Variants in NPAS3 observed in about 807,000 individuals in gnomAD.
NPAS3 encodes neuronal PAS domain-containing protein 3.
NPAS3 carries 14 observed loss-of-function variants against 73.1 expected under a neutral mutation model. The ratio of observed to expected loss-of-function variants is 0.19; its 90% CI spans 0.13 to 0.30. The LOEUF (loss-of-function observed/expected upper bound fraction) is 0.30, where lower values mean the gene tolerates loss of function less well. Among genes scored for constraint, NPAS3 ranks in the 10% least tolerant of loss-of-function variants. NPAS3 has a pLI of 1.00. For synonymous variants in NPAS3, 620 were observed against 541.5 expected (o/e 1.14, Z -2.01); for missense variants, 1,096 against 1,250.0 (o/e 0.88, Z 1.86).
intron 2 of NPAS3, among the ~76,000 whole-genome samples, chr14:33,065,687 T>C (rs2041252983): frequency 6.6e-6 from 1 of 152,060 alleles, no homozygotes; most frequent in Non-Finnish European, 1.5e-5. Flanking sequence ...AAGCCAGTTA[T>C]AAAGGATCTC....
intron 7 of NPAS3, among the ~76,000 whole-genome samples, chr14:33,739,272 T>C (rs2061598525): frequency 6.6e-6 from 1 of 152,156 alleles, no homozygotes; most frequent in African/African-American, 2.4e-5. Context: ...TTCTTCAAAA[T>C]AGTCCCCCAT....
At chr14:33,484,162 G>A (rs2051465790) in intron 4 of NPAS3, among the ~76,000 whole-genome samples, 1 of 152,074 alleles carries the variant, frequency 6.6e-6, no homozygotes, top group Admixed American at 6.6e-5. Context: ...TAGATTCTAG[G>A]GAGGAAAATA....
intron 3 of NPAS3, among the ~76,000 whole-genome samples, chr14:33,353,977 G>A (rs2045207709): frequency 6.6e-6 from 1 of 151,948 alleles, no homozygotes; most frequent in Admixed American, 6.6e-5. Context: ...GTAGTGGCTG[G>A]GCACCACACC....
chr14:33,301,020 T>C (rs2042508807), intron 3 of NPAS3, among the ~76,000 whole-genome samples: 1 of 151,938 alleles, frequency 6.6e-6, no homozygotes, highest in South Asian at 2.1e-4. Flanking sequence ...ATATTTTCTC[T>C]TGCCCAAGAC....
chr14:33,175,916 C>T (rs952825794), intron 2 of NPAS3, among the ~76,000 whole-genome samples: 22 of 152,004 alleles, frequency 1.4e-4, no homozygotes, highest in Non-Finnish European at 2.8e-4. Context: ...GGTTTTAAAA[C>T]AACAACAACA....
At chr14:33,642,752 A>G (rs570238008) in intron 5 of NPAS3, among the ~76,000 whole-genome samples, 1 of 152,282 alleles carries the variant, frequency 6.6e-6, no homozygotes, top group South Asian at 2.1e-4. Flanking sequence ...ACAACAGAGC[A>G]TATTGTTTGT....
intron 2 of NPAS3, among the ~76,000 whole-genome samples, chr14:33,123,156 A>G (rs895429776): frequency 6.6e-6 from 1 of 152,152 alleles, no homozygotes; most frequent in Admixed American, 6.5e-5. Flanking sequence ...GAAGATAAAG[A>G]ACTATCAGAA....
chr14:33,650,893 G>A lies in NPAS3; in HGVS notation c.559-25318G>A, dbSNP rs552495143. On this transcript the variant is annotated intron_variant, in intron 5 of 11. Coordinates refer to ENST00000356141, the Ensembl canonical transcript of NPAS3. ...CAGGAGCAGGACCCAGGCCAGAACC[G>A]ACAGACTTGAAGCAGTTCTGATGCC... Among the ~76,000 whole-genome samples the A allele has an allele frequency of 1.2e-3, 180 of 152,296 alleles. 1 individual carries two copies. The highest frequency in any genetic ancestry group is 2.2e-3 in the Admixed American group (34 of 15,294).
At chr14:33,007,250 CA>C (rs1369486636) in intron 1 of NPAS3, among the ~76,000 whole-genome samples, 2 of 152,148 alleles carry the variant, frequency 1.3e-5, no homozygotes, top group Non-Finnish European at 2.9e-5. Flanking sequence ...CTGGATGCCA[CA>C]AGGTGCAGGG....
chr14:33,041,288 G>A (rs2040340279), intron 1 of NPAS3, among the ~76,000 whole-genome samples: 1 of 152,110 alleles, frequency 6.6e-6, no homozygotes, highest in South Asian at 2.1e-4. Context: ...ATGTTTATAA[G>A]TACATGAACA....
chr14:33,201,086 A>T (rs919707247), intron 2 of NPAS3, among the ~76,000 whole-genome samples: 3 of 152,214 alleles, frequency 2.0e-5, no homozygotes, highest in Non-Finnish European at 4.4e-5. Flanking sequence ...CAAATGAATG[A>T]TTCTGAGAAG....
At chr14:33,307,853 C>T (rs1209458520) in intron 3 of NPAS3, among the ~76,000 whole-genome samples, 6 of 152,158 alleles carry the variant, frequency 3.9e-5, no homozygotes, top group Non-Finnish European at 7.3e-5. Flanking sequence ...CGAATATCCC[C>T]ATGGTGGTAA....
chr14:33,575,545 C>G (rs1374993812), intron 5 of NPAS3, among the ~76,000 whole-genome samples: 1 of 152,068 alleles, frequency 6.6e-6, no homozygotes, highest in Non-Finnish European at 1.5e-5. Context: ...TGTCTTTGTA[C>G]TATCAGAACA....
chr14:33,286,697 T>TGGC, intron 3 of NPAS3, among the ~76,000 whole-genome samples: 1 of 152,316 alleles, frequency 6.6e-6, no homozygotes, highest in South Asian at 2.1e-4. Context: ...GTTGGCTTTC[T>TGGC]TCTTAGTTTT....
At chr14:33,475,549 T>TAA (rs5807728) in intron 4 of NPAS3, among the ~76,000 whole-genome samples, 24,755 of 112,298 alleles carry the variant, frequency 0.22, 2,918 homozygotes, top group African/African-American at 0.34. Flanking sequence ...AACTAAGATC[T>TAA]AAAAAAAAAA....
At chr14:33,514,979 C>T (rs769707502) in intron 4 of NPAS3, among the ~76,000 whole-genome samples, 5 of 152,092 alleles carry the variant, frequency 3.3e-5, no homozygotes, top group Non-Finnish European at 7.4e-5. Flanking sequence ...CGTATTTAGT[C>T]TAACCCCATT....
At chr14:33,169,588 T>G (rs1195554687) in intron 2 of NPAS3, among the ~76,000 whole-genome samples, 1 of 152,054 alleles carries the variant, frequency 6.6e-6, no homozygotes, top group Admixed American at 6.6e-5. Context: ...AAACACAAAT[T>G]TGAGAGTGAA....
At chr14:32,963,271 A>G (rs2037008221) in intron 1 of NPAS3, among the ~76,000 whole-genome samples, 1 of 152,206 alleles carries the variant, frequency 6.6e-6, no homozygotes. Flanking sequence ...TCAGATTTTA[A>G]ATACAGAGTA....
intron 5 of NPAS3, among the ~76,000 whole-genome samples, chr14:33,635,105 A>G (rs1392065853): frequency 6.6e-6 from 1 of 152,192 alleles, no homozygotes; most frequent in Non-Finnish European, 1.5e-5. Flanking sequence ...TTTTATGAAA[A>G]TATGGACAGA....
Sources: gnomAD v4.1 joint callset for allele counts (sites outside exome capture counted in the v4.1 genomes callset) on GRCh38, gnomAD v4.1.1 for gene constraint, MANE v1.5 for transcripts, NCBI Gene and HGNC (gene_info 2026-07-23, HGNC 2026-07-21) for gene names.